The following ATP6V1H variants were observed in gnomAD, a reference collection of about 807,000 sequenced individuals.
ATP6V1H encodes V-type proton ATPase subunit H.
A neutral mutation model predicts 71.7 loss-of-function variants in ATP6V1H; 39 were observed. The observed-to-expected ratio is 0.54, with a 90% CI of 0.42 to 0.71. The LOEUF (loss-of-function observed/expected upper bound fraction) is 0.71, where lower values mean the gene tolerates loss of function less well. Ranked by LOEUF, ATP6V1H falls within the 30% of genes least tolerant of loss-of-function variation. The pLI is 0.00. For synonymous variants in ATP6V1H, 192 were observed against 199.3 expected, an observed-to-expected ratio of 0.96 and a Z score of 0.31; for missense variants, 509 against 594.9, an observed-to-expected ratio of 0.86 and a Z score of 1.50.
intron 12 of ATP6V1H, among the ~76,000 whole-genome samples, chr8:53,750,576 A>G (rs944183271): frequency 1.3e-5 from 2 of 152,220 alleles, no homozygotes; most frequent in African/African-American, 2.4e-5. Flanking sequence ...CTAAAAATGT[A>G]TCAGTGGACC....
intron 8 of ATP6V1H, among the ~76,000 whole-genome samples, chr8:53,798,640 C>CACACACAA (rs1491411633): frequency 6.6e-6 from 1 of 150,664 alleles, no homozygotes; most frequent in Admixed American, 6.6e-5. Context: ...CACACACACA[C>CACACACAA]AAATTCAATG....
At chr8:53,807,526 A>G (rs980085749) in intron 7 of ATP6V1H, among the ~76,000 whole-genome samples, 6 of 152,302 alleles carry the variant, frequency 3.9e-5, no homozygotes, top group African/African-American at 1.4e-4. Flanking sequence ...TGAAAACATT[A>G]TGCTAAGTGA....
intron 2 of ATP6V1H, chr8:53,839,570 C>T: frequency 1.0e-6 from 1 of 970,944 alleles, no homozygotes; most frequent in Non-Finnish European, 1.2e-6. Flanking sequence ...ATTCCAATAC[C>T]TTGGTTACTG....
intron 12 of ATP6V1H, 94 bp downstream of exon 12, chr8:53,756,461 T>C: frequency 1.2e-6 from 1 of 866,474 alleles, no homozygotes. Flanking sequence ...TGTTAGTTCC[T>C]TTGCTAACCT....
intron 9 of ATP6V1H, among the ~76,000 whole-genome samples, chr8:53,775,842 T>C (rs1351282999): frequency 6.6e-6 from 1 of 152,176 alleles, no homozygotes; most frequent in Non-Finnish European, 1.5e-5. Context: ...CTTCACCCAG[T>C]GGGTCCCGCA....
chr8:53,729,893 C>CAACTGGCCAATG (rs1396115474), intron 13 of ATP6V1H, among the ~76,000 whole-genome samples: 2 of 152,156 alleles, frequency 1.3e-5, no homozygotes, highest in Non-Finnish European at 2.9e-5. Flanking sequence ...AAAGGAGAGA[C>CAACTGGCCAATG]AACTGGCCAA....
intron 9 of ATP6V1H, among the ~76,000 whole-genome samples, chr8:53,775,238 G>A (rs1808826396): frequency 6.6e-6 from 1 of 152,188 alleles, no homozygotes; most frequent in Non-Finnish European, 1.5e-5. Flanking sequence ...TGGCTCAGGA[G>A]TGAAGCTGCA....
intron 9 of ATP6V1H, among the ~76,000 whole-genome samples, chr8:53,784,531 A>G (rs1331530483): frequency 2.6e-5 from 4 of 152,182 alleles, no homozygotes; most frequent in Non-Finnish European, 5.9e-5. Flanking sequence ...CATTTAGCCC[A>G]TTTACATTGA....
At chr8:53,717,690 G>A (rs1181545697) in intron 13 of ATP6V1H, among the ~76,000 whole-genome samples, 1 of 152,090 alleles carries the variant, frequency 6.6e-6, no homozygotes, top group Non-Finnish European at 1.5e-5. Flanking sequence ...GGGAATGCCT[G>A]CAACTTGGGA....
At chr8:53,818,250 T>G (rs753777703) in intron 4 of ATP6V1H, among the ~76,000 whole-genome samples, 14 of 152,184 alleles carry the variant, frequency 9.2e-5, no homozygotes, top group Non-Finnish European at 1.6e-4. Flanking sequence ...CTTTTTCTGA[T>G]TAAACTTTTA....
chr8:53,768,641 A>T (rs1404251189), intron 11 of ATP6V1H, among the ~76,000 whole-genome samples: 1 of 152,188 alleles, frequency 6.6e-6, no homozygotes, highest in Admixed American at 6.5e-5. Flanking sequence ...CACAACATGG[A>T]TGAGCCCTGA....
intron 4 of ATP6V1H, among the ~76,000 whole-genome samples, chr8:53,821,660 C>T (rs938641706): frequency 2.6e-5 from 4 of 151,086 alleles, no homozygotes; most frequent in South Asian, 2.1e-4. Flanking sequence ...GAACTCTAGC[C>T]GAGGCAACAA....
At chr8:53,789,645 C>T (rs1267406025) in intron 9 of ATP6V1H, among the ~76,000 whole-genome samples, 1 of 151,982 alleles carries the variant, frequency 6.6e-6, no homozygotes. Flanking sequence ...TAAAATAAGA[C>T]CCTGACTTCT....
At chr8:53,780,028 G>C (rs772133612) in intron 9 of ATP6V1H, among the ~76,000 whole-genome samples, 1 of 151,902 alleles carries the variant, frequency 6.6e-6, no homozygotes, top group Admixed American at 6.6e-5. Context: ...GCGTGGTGCT[G>C]CATGCCTGTA....
chr8:53,821,113 G>A (rs1337047695), intron 4 of ATP6V1H, among the ~76,000 whole-genome samples: 1 of 151,088 alleles, frequency 6.6e-6, no homozygotes, highest in African/African-American at 2.4e-5. Context: ...GCTCACGCCT[G>A]TAATTCCAGC....
chr8:53,782,576 A>C lies in ATP6V1H; in HGVS notation c.871-10409T>G, dbSNP rs1266611197. 1.9e-3 allele frequency among the ~76,000 whole-genome samples: 291 copies of C among 152,112 alleles called. 1 individual carries two copies. Among genetic ancestry groups the C allele is most frequent in the African/African-American group, 6.8e-3 (281 of 41,426 alleles). On this transcript the variant is annotated intron_variant, in intron 9 of 13. Coordinates refer to ENST00000359530, the MANE Select transcript of ATP6V1H (RefSeq NM_015941.4). ...TGCCCTGGCCATAACTTCCAACACT[A>C]TGTTGAATAGGAGTGGTGAGAGAGG...
chr8:53,757,946 G>A (rs1023301643), intron 11 of ATP6V1H, among the ~76,000 whole-genome samples: 1 of 152,214 alleles, frequency 6.6e-6, no homozygotes, highest in Non-Finnish European at 1.5e-5. Flanking sequence ...GGTATATAAA[G>A]ATGTAGGTAA....
Position 53,726,990 on chromosome 8 carries a change from T to C in ATP6V1H, c.1392-10966A>G, listed in dbSNP as rs142454764. Among the ~76,000 whole-genome samples, 347 of 152,336 alleles carry C rather than the reference T, an allele frequency of 2.3e-3. 2 individuals are homozygous for C. The highest frequency in any genetic ancestry group is 8.1e-3 in the African/African-American group (336 of 41,566). On this transcript the variant is annotated intron_variant, in intron 13 of 13. Transcript: ENST00000359530. ...CATGAATTGGACACCTCACCCCACC[T>C]CTGAATTAGCAATTCCTTTCAATAA...
At chr8:53,781,762 T>G (rs1216385244) in intron 9 of ATP6V1H, among the ~76,000 whole-genome samples, 5 of 152,106 alleles carry the variant, frequency 3.3e-5, no homozygotes, top group Non-Finnish European at 7.4e-5. Flanking sequence ...TACATATGGC[T>G]AGCCAGTTTT....
Sources: allele counts gnomAD v4.1 joint callset (sites outside exome capture counted in the v4.1 genomes callset), GRCh38; gene constraint gnomAD v4.1.1; transcripts MANE v1.5; gene names NCBI Gene and HGNC (gene_info 2026-07-23, HGNC 2026-07-21).